The following ZNF148 variants were observed in gnomAD, a reference collection of about 807,000 sequenced individuals.
The protein encoded by ZNF148 is zinc finger protein 148.
ZNF148 carries 7 observed loss-of-function variants against 67.7 expected under a neutral mutation model. That is an observed-to-expected ratio of 0.10 (90% CI 0.06 to 0.19). The LOEUF is 0.19. Among genes scored for constraint, ZNF148 ranks in the 10% least tolerant of loss-of-function variants. The probability of loss-of-function intolerance (pLI) is 1.00; values close to 1 mark genes in which losing one functional copy is unlikely to be tolerated. For missense variants in ZNF148, 583 were observed against 947.1 expected (o/e 0.62, Z 5.05); for synonymous variants, 333 against 330.7 (o/e 1.01, Z -0.08).
intron 7 of ZNF148, among the ~76,000 whole-genome samples, chr3:125,239,274 A>T (rs1210458968): frequency 6.6e-6 from 1 of 152,238 alleles, no homozygotes; most frequent in African/African-American, 2.4e-5. Context: ...TTTACAAATC[A>T]TGTATCAGAT....
intron 1 of ZNF148, among the ~76,000 whole-genome samples, chr3:125,368,181 A>G (rs1008333541): frequency 1.3e-5 from 2 of 152,224 alleles, no homozygotes; most frequent in African/African-American, 2.4e-5. Context: ...AACTTAAACT[A>G]TCTTGCTCAA....
At chr3:125,249,006 G>A (rs1469395073) in intron 7 of ZNF148, among the ~76,000 whole-genome samples, 1 of 151,930 alleles carries the variant, frequency 6.6e-6, no homozygotes, top group African/African-American at 2.4e-5. Flanking sequence ...CTCTATTCTT[G>A]TACACCATAC....
chr3:125,247,459 C>CA (rs1390047664), intron 7 of ZNF148, among the ~76,000 whole-genome samples: 1 of 151,534 alleles, frequency 6.6e-6, no homozygotes, highest in Non-Finnish European at 1.5e-5. Flanking sequence ...TTTTTTGAGA[C>CA]AGAGTCTCAC....
chr3:125,297,244 T>C (rs968826219), intron 4 of ZNF148, among the ~76,000 whole-genome samples: 1 of 152,056 alleles, frequency 6.6e-6, no homozygotes, highest in Non-Finnish European at 1.5e-5. Flanking sequence ...AAACCAGAAC[T>C]ATCAACTAAA....
intron 4 of ZNF148, among the ~76,000 whole-genome samples, chr3:125,296,482 G>A (rs149079047): frequency 1.3e-5 from 2 of 152,128 alleles, no homozygotes; most frequent in South Asian, 2.1e-4. Context: ...AGTTGTTGCT[G>A]TTCTTCCTAA....
At chr3:125,237,363 C>T (rs1936139019) in intron 7 of ZNF148, among the ~76,000 whole-genome samples, 1 of 152,116 alleles carries the variant, frequency 6.6e-6, no homozygotes, top group African/African-American at 2.4e-5. Flanking sequence ...GGGTGAACTG[C>T]TTGAGCTCAG....
At chr3:125,323,981 G>C (rs1219827554) in intron 2 of ZNF148, among the ~76,000 whole-genome samples, 1 of 148,782 alleles carries the variant, frequency 6.7e-6, no homozygotes, top group Non-Finnish European at 1.5e-5. Context: ...AAGGAAAAAA[G>C]AACAATTGCC....
intron 7 of ZNF148, among the ~76,000 whole-genome samples, chr3:125,269,189 G>A (rs1304214752): frequency 8.0e-6 from 1 of 124,998 alleles, no homozygotes; most frequent in Non-Finnish European, 1.6e-5. Flanking sequence ...GCAACATGGT[G>A]AAGCCCGGTC....
intron 1 of ZNF148, among the ~76,000 whole-genome samples, chr3:125,342,042 T>C (rs1318334290): frequency 2.0e-5 from 3 of 150,544 alleles, no homozygotes; most frequent in African/African-American, 7.4e-5. Flanking sequence ...TCGTTGAACT[T>C]GAGGACAGAA....
chr3:125,268,335 C>T (rs895937903), intron 7 of ZNF148, among the ~76,000 whole-genome samples: 2 of 148,438 alleles, frequency 1.3e-5, no homozygotes, highest in Admixed American at 6.7e-5. Flanking sequence ...GTAACCAAAA[C>T]AGCATGGTAC....
intron 7 of ZNF148, among the ~76,000 whole-genome samples, chr3:125,248,717 G>A (rs1644766788): frequency 6.6e-6 from 1 of 152,136 alleles, no homozygotes; most frequent in Non-Finnish European, 1.5e-5. Context: ...CAGAAACATG[G>A]TTTAGGTGCT....
chr3:125,279,367 T>C (rs1348233391), intron 5 of ZNF148, 120 bp from the exon 6 acceptor site: 14 of 815,556 alleles, frequency 1.7e-5, no homozygotes, highest in Non-Finnish European at 1.9e-5. Context: ...AATATTTTGT[T>C]CTTAAATGAT....
intron 3 of ZNF148, chr3:125,314,862 A>C (rs1940407824): frequency 6.6e-6 from 1 of 152,140 alleles, no homozygotes; most frequent in African/African-American, 2.4e-5. Flanking sequence ...GTTTGAGACC[A>C]GCTAGGGCAA....
intron 2 of ZNF148, among the ~76,000 whole-genome samples, chr3:125,326,986 G>A (rs1941057295): frequency 6.6e-6 from 1 of 151,334 alleles, no homozygotes; most frequent in Admixed American, 6.6e-5. Context: ...TGTCGGAAAG[G>A]ATAAAAACAC....
At chr3:125,325,598 T>C (rs1384469093) in intron 2 of ZNF148, among the ~76,000 whole-genome samples, 1 of 152,066 alleles carries the variant, frequency 6.6e-6, no homozygotes, top group Non-Finnish European at 1.5e-5. Flanking sequence ...CCCGAGTAGC[T>C]GGGATTACAG....
At chr3:125,335,815 T>C (rs1225353680) in intron 1 of ZNF148, among the ~76,000 whole-genome samples, 6 of 152,238 alleles carry the variant, frequency 3.9e-5, no homozygotes, top group Non-Finnish European at 8.8e-5. Context: ...TCAAAGTATA[T>C]CTTTACGTTG....
intron 4 of ZNF148, among the ~76,000 whole-genome samples, chr3:125,302,613 A>C (rs1329174431): frequency 6.6e-6 from 1 of 152,188 alleles, no homozygotes; most frequent in East Asian, 1.9e-4. Flanking sequence ...AATGGACTCA[A>C]ATTTATCATT....
In ZNF148 at chr3:125,233,473, T is replaced by G; in HGVS notation, c.1253A>C (p.Glu418Ala). 4 of 1,613,914 alleles carry G rather than the reference T, an allele frequency of 2.5e-6. No individual in the cohort carries two copies. Among genetic ancestry groups the G allele is most frequent in the Non-Finnish European group, 3.4e-6 (4 of 1,179,934 alleles). ...AGCATACTTTGAAACTTTGCTCTCT[T>G]CATATGTGGATAAAGGTGAAATTGT... ...NQTISPLSTY[E>A]ESKVSKYAFE... Residue 418 changes from glutamate (E) to alanine (A), a missense_variant, in exon 9 of 9, where the codon GAA (glutamate) becomes GCA (alanine). Physicochemically the swap from Glu to Ala is moderately radical, Grantham distance 107. This residue lies in a region of ZNF148 where 172 missense variants were observed against 307.7 expected (regional missense o/e 0.56). Transcript: ENST00000360647. This position sits in a 1 kb window ranked among gnomAD's most constrained non-coding sequence, Gnocchi z 5.1.
intron 1 of ZNF148, among the ~76,000 whole-genome samples, chr3:125,358,882 T>C (rs1263013132): frequency 6.6e-6 from 1 of 152,208 alleles, no homozygotes; most frequent in Admixed American, 6.5e-5. Context: ...CCACCCTAGA[T>C]GTTCAAAGGT....
Sources: allele counts gnomAD v4.1 joint callset (sites outside exome capture counted in the v4.1 genomes callset), GRCh38; gene constraint gnomAD v4.1.1; regional missense constraint gnomAD v4.1.1; non-coding constraint Gnocchi (gnomAD v3.1); transcripts MANE v1.5; gene names NCBI Gene and HGNC (gene_info 2026-07-23, HGNC 2026-07-21).